The following GPHN variants were observed in gnomAD, a reference collection of about 807,000 sequenced individuals.
GPHN encodes the protein gephyrin.
GPHN carries 17 observed loss-of-function variants against 95.5 expected under a neutral mutation model. The observed-to-expected ratio is 0.18, with a 90% confidence interval of 0.12 to 0.27. The LOEUF is 0.27. GPHN is among the 10% of genes least tolerant of loss of function. The pLI, the probability that GPHN is intolerant of heterozygous loss-of-function variation, is 1.00. For missense variants in GPHN, 660 were observed against 978.1 expected (o/e 0.67, Z 4.34); for synonymous variants, 320 against 322.5 (o/e 0.99, Z 0.08).
At chr14:67,372,837 A>T in the GPHN span, among the ~76,000 whole-genome samples, 3 of 151,788 alleles carry the variant, frequency 2.0e-5, no homozygotes, top group Non-Finnish European at 4.4e-5. Context: ...AAAAAAAAAA[A>T]CAAAAAACAA....
chr14:67,460,369 C>T, the GPHN span, among the ~76,000 whole-genome samples: 31 of 152,290 alleles, frequency 2.0e-4, no homozygotes, highest in East Asian at 5.4e-3. Flanking sequence ...AATTATAACA[C>T]TTGTCTTGCC....
intron 12 of GPHN, among the ~76,000 whole-genome samples, chr14:67,091,978 T>C (rs1040844330): frequency 1.3e-5 from 2 of 152,204 alleles, no homozygotes; most frequent in Admixed American, 1.3e-4. Context: ...ATGTAACATA[T>C]AAGAGCGACA....
intron 3 of GPHN, among the ~76,000 whole-genome samples, chr14:66,816,900 CT>C (rs1341420774): frequency 6.6e-6 from 1 of 152,036 alleles, no homozygotes; most frequent in Non-Finnish European, 1.5e-5. Flanking sequence ...CTTATGTAAA[CT>C]TACTCTCTCT....
chr14:67,288,165 C>T, the GPHN span, among the ~76,000 whole-genome samples: 13 of 152,208 alleles, frequency 8.5e-5, no homozygotes, highest in East Asian at 7.7e-4. Context: ...CTGCAACTTC[C>T]GCCTCCGAGG....
the GPHN span, among the ~76,000 whole-genome samples, chr14:67,319,634 A>T: frequency 6.6e-6 from 1 of 152,148 alleles, no homozygotes; most frequent in East Asian, 1.9e-4. Context: ...AAAAAATTGC[A>T]AAACAATCTC....
At chr14:67,392,934 C>A in the GPHN span, 1 of 1,192,922 alleles carries the variant, frequency 8.4e-7, no homozygotes. Context: ...TGACCTTGGC[C>A]CTCTGGGCAG....
intron 1 of GPHN, among the ~76,000 whole-genome samples, chr14:66,678,217 C>G (rs1007942513): frequency 1.3e-5 from 2 of 152,108 alleles, no homozygotes; most frequent in African/African-American, 4.8e-5. Flanking sequence ...CTATAATTCA[C>G]AAAATGTGAA....
chr14:66,591,710 C>T (rs140401078), intron 1 of GPHN, among the ~76,000 whole-genome samples: 8,842 of 152,208 alleles, frequency 0.058, 358 homozygotes, highest in Middle Eastern at 0.099. Flanking sequence ...GAATCAATAT[C>T]GTGAAAATGA....
chr14:67,367,064 A>G, the GPHN span, among the ~76,000 whole-genome samples: 1 of 152,132 alleles, frequency 6.6e-6, no homozygotes, highest in African/African-American at 2.4e-5. Context: ...AAGTCTATAT[A>G]AATTCTTCCC....
At chr14:67,500,726 C>A in the GPHN span, among the ~76,000 whole-genome samples, 11 of 151,640 alleles carry the variant, frequency 7.3e-5, no homozygotes, top group East Asian at 2.2e-3. Flanking sequence ...CGCCCGCCAC[C>A]ACGCCCGGCT....
At chr14:67,154,240 AC>A (rs2081450062) in intron 18 of GPHN, among the ~76,000 whole-genome samples, 1 of 152,092 alleles carries the variant, frequency 6.6e-6, no homozygotes, top group African/African-American at 2.4e-5. Flanking sequence ...TCTTCCCTCC[AC>A]ACTTCACATG....
At chr14:67,216,765 A>G in the GPHN span, among the ~76,000 whole-genome samples, 1 of 152,172 alleles carries the variant, frequency 6.6e-6, no homozygotes, top group Non-Finnish European at 1.5e-5. Context: ...CAGATAAAAT[A>G]CTTGATAAGA....
chr14:66,534,715 T>C (rs1304655526), intron 1 of GPHN, among the ~76,000 whole-genome samples: 1 of 152,194 alleles, frequency 6.6e-6, no homozygotes, highest in Non-Finnish European at 1.5e-5. Context: ...TTGTGTATTG[T>C]CAGTCTTTTT....
At chr14:67,259,663 C>G in the GPHN span, among the ~76,000 whole-genome samples, 4 of 151,748 alleles carry the variant, frequency 2.6e-5, no homozygotes, top group Non-Finnish European at 5.9e-5. Context: ...GTAATCCCAG[C>G]GCCCTGAGAG....
the GPHN span, among the ~76,000 whole-genome samples, chr14:67,191,816 C>T: frequency 6.6e-6 from 1 of 152,202 alleles, no homozygotes; most frequent in East Asian, 1.9e-4. Flanking sequence ...GGTTTCCGAT[C>T]TGTAATCAGA....
chr14:67,449,995 G>A, the GPHN span: 2 of 152,900 alleles, frequency 1.3e-5, no homozygotes, highest in African/African-American at 2.4e-5. Context: ...CCGGGAGGCA[G>A]AGGTTGCAGT....
chr14:66,962,454 C>G (rs910147098), intron 8 of GPHN, among the ~76,000 whole-genome samples: 26 of 151,404 alleles, frequency 1.7e-4, no homozygotes, highest in Non-Finnish European at 5.9e-5. Context: ...TTTTGCCTTA[C>G]CCATCATTTT....
At chr14:66,644,918 A>G (rs575464484) in intron 1 of GPHN, among the ~76,000 whole-genome samples, 4 of 152,254 alleles carry the variant, frequency 2.6e-5, no homozygotes, top group East Asian at 1.9e-4. Context: ...TATTTAAAAT[A>G]CTAATTTAAA....
chr14:66,907,729 G>A (rs897238684), intron 5 of GPHN, among the ~76,000 whole-genome samples: 3 of 152,146 alleles, frequency 2.0e-5, no homozygotes, highest in Non-Finnish European at 4.4e-5. Context: ...AAAGGTAAAA[G>A]CAACTGCACA....
Sources: gnomAD v4.1 joint callset for allele counts (sites outside exome capture counted in the v4.1 genomes callset) on GRCh38, gnomAD v4.1.1 for gene constraint, MANE v1.5 for transcripts, NCBI Gene and HGNC (gene_info 2026-07-23, HGNC 2026-07-21) for gene names.